Variants in SDK2 observed in about 807,000 individuals in gnomAD.
SDK2 encodes the protein protein sidekick-2.
A neutral mutation model predicts 253.9 loss-of-function variants in SDK2; 105 were observed. The ratio of observed to expected loss-of-function variants is 0.41; its 90% CI spans 0.35 to 0.49. SDK2 has a LOEUF of 0.49. Among genes scored for constraint, SDK2 ranks in the 20% least tolerant of loss-of-function variants. The pLI, the probability that SDK2 is intolerant of heterozygous loss-of-function variation, is 0.06. For synonymous variants in SDK2, 1,249 were observed against 1,234.9 expected (o/e 1.01, Z -0.24); for missense variants, 2,608 against 3,003.0 (o/e 0.87, Z 3.07).
chr17:73,568,530 C>T (rs928258198), intron 1 of SDK2, among the ~76,000 whole-genome samples: 3 of 151,858 alleles, frequency 2.0e-5, no homozygotes, highest in Non-Finnish European at 4.4e-5. Flanking sequence ...ACAGAAGAGT[C>T]AATGAATGTG....
chr17:73,429,425 T>C (rs140313158), intron 12 of SDK2, among the ~76,000 whole-genome samples: 218 of 152,346 alleles, frequency 1.4e-3, no homozygotes, highest in African/African-American at 5.1e-3. Flanking sequence ...ATGAGGTGTT[T>C]CTCAAACTGG....
intron 1 of SDK2, among the ~76,000 whole-genome samples, chr17:73,557,213 C>T (rs759983021): frequency 8.5e-5 from 13 of 152,200 alleles, no homozygotes; most frequent in South Asian, 2.1e-4. Flanking sequence ...CAGTTCATAG[C>T]GCACGCTCAA....
At chr17:73,440,030 G>A (rs2063402352) in intron 6 of SDK2, among the ~76,000 whole-genome samples, 1 of 152,032 alleles carries the variant, frequency 6.6e-6, no homozygotes, top group African/African-American at 2.4e-5. Context: ...CTGTGTGGGA[G>A]AGGTGAGGGC....
chr17:73,421,992 A>G (rs915999703), intron 15 of SDK2, among the ~76,000 whole-genome samples: 1 of 152,126 alleles, frequency 6.6e-6, no homozygotes, highest in Non-Finnish European at 1.5e-5. Context: ...ACAGCAGCCC[A>G]TGCGGATGTG....
At chr17:73,575,667 G>A (rs1381827770) in intron 1 of SDK2, among the ~76,000 whole-genome samples, 3 of 152,226 alleles carry the variant, frequency 2.0e-5, no homozygotes, top group African/African-American at 7.2e-5. Context: ...GTAGGATTGC[G>A]TCTGGCACTT....
chr17:73,469,996 A>G (rs868862947), intron 3 of SDK2, among the ~76,000 whole-genome samples: 7,685 of 124,856 alleles, frequency 0.062, 268 homozygotes, highest in African/African-American at 0.095. Context: ...GCGCGCGCAC[A>G]CACACACACA....
chr17:73,588,409 A>AAAAG (rs1555607410), intron 1 of SDK2, among the ~76,000 whole-genome samples: 138 of 147,234 alleles, frequency 9.4e-4, no homozygotes, highest in African/African-American at 2.8e-3. Context: ...AAAAAAAAAA[A>AAAAG]AAAGAAAGAA....
rs2063008005 is a variant in SDK2 at position 73,399,869 on chromosome 17, T to C, written c.2972-580A>G. 3.3e-5 allele frequency among the ~76,000 whole-genome samples: 5 copies of C among 152,192 alleles called. No individual in the cohort carries two copies. The South Asian group carries it at 8.3e-4, about 25-fold the overall frequency. ...ATCTAACTCCACTACTTACAGGCTG[T>C]GTGTCTTTGCACAAGTTATCCAACT... On this transcript the variant is annotated intron_variant, in intron 21 of 44. Coordinates refer to ENST00000392650, the MANE Select transcript of SDK2 (RefSeq NM_001144952.2).
intron 1 of SDK2, among the ~76,000 whole-genome samples, chr17:73,575,917 G>A (rs949328868): frequency 6.6e-6 from 1 of 152,168 alleles, no homozygotes; most frequent in Non-Finnish European, 1.5e-5. Context: ...GTATAAAAAG[G>A]GAGAGCAAAG....
chr17:73,613,099 T>G (rs1005979698), intron 1 of SDK2, among the ~76,000 whole-genome samples: 6 of 152,110 alleles, frequency 3.9e-5, no homozygotes, highest in African/African-American at 1.4e-4. Context: ...GCGGGAGGAA[T>G]GAGGAGCACA....
At chr17:73,407,361 A>G (rs1407713945) in intron 18 of SDK2, among the ~76,000 whole-genome samples, 1 of 152,318 alleles carries the variant, frequency 6.6e-6, no homozygotes, top group East Asian at 1.9e-4. Context: ...GAGGCCAATG[A>G]TGGGTCCATT....
At chr17:73,491,225 A>T (rs1454236641) in intron 2 of SDK2, among the ~76,000 whole-genome samples, 2 of 152,138 alleles carry the variant, frequency 1.3e-5, no homozygotes, top group African/African-American at 4.8e-5. Flanking sequence ...GCACCCTGAC[A>T]TGGCTCAACA....
chr17:73,488,305 C>T (rs1175876253), intron 2 of SDK2, among the ~76,000 whole-genome samples: 2 of 152,198 alleles, frequency 1.3e-5, no homozygotes, highest in African/African-American at 2.4e-5. Context: ...CATGAGCCAC[C>T]ACGCCCGGCC....
intron 1 of SDK2, chr17:73,519,832 G>A (rs1350954559): frequency 6.6e-6 from 1 of 152,182 alleles, no homozygotes; most frequent in African/African-American, 2.4e-5. Context: ...CTCTCTGCAC[G>A]GAGGCTGAGA....
chr17:73,483,613 ATG>A (rs1211863970), intron 2 of SDK2, among the ~76,000 whole-genome samples: 39 of 134,470 alleles, frequency 2.9e-4, no homozygotes, highest in African/African-American at 1.0e-3. Context: ...GTGTATATAT[ATG>A]TATATATATG....
At chr17:73,623,716 C>T (rs2046163554) in intron 1 of SDK2, among the ~76,000 whole-genome samples, 1 of 152,178 alleles carries the variant, frequency 6.6e-6, no homozygotes, top group African/African-American at 2.4e-5. Flanking sequence ...CACCCCACCC[C>T]GCCCCAGATC....
In SDK2 at chr17:73,617,273, G is replaced by A. The variant is rs149234638; in HGVS notation, c.64+26752C>T. 4.7e-3 allele frequency among the ~76,000 whole-genome samples: 688 copies of A among 145,918 alleles called. 11 individuals are homozygous for A. The highest frequency in any genetic ancestry group is 0.017 in the African/African-American group (657 of 39,146). On this transcript the variant is annotated intron_variant, in intron 1 of 44. Transcript: ENST00000392650. ...GCCTCCTGCAGAGGGGAGGTGAGAG[G>A]GCTCCAGGGGAGGGGAGAGGCCTCC...
chr17:73,543,599 G>A (rs181995423), intron 1 of SDK2, among the ~76,000 whole-genome samples: 1 of 152,246 alleles, frequency 6.6e-6, no homozygotes. Context: ...TGTGGGCTGG[G>A]CAAGTGCACC....
At chr17:73,471,878 G>A (rs1361210934) in intron 3 of SDK2, among the ~76,000 whole-genome samples, 4 of 152,188 alleles carry the variant, frequency 2.6e-5, no homozygotes, top group South Asian at 2.1e-4. Flanking sequence ...GGGTCACAGG[G>A]TCAGCAGATG....
Sources: gnomAD v4.1 joint callset for allele counts (sites outside exome capture counted in the v4.1 genomes callset) on GRCh38, gnomAD v4.1.1 for gene constraint, MANE v1.5 for transcripts, NCBI Gene and HGNC (gene_info 2026-07-23, HGNC 2026-07-21) for gene names.